The following CNTN5 variants were observed in gnomAD, a reference collection of about 807,000 sequenced individuals.
CNTN5 encodes contactin 5, also known as contactin-5.
In CNTN5, 77 loss-of-function variants were observed where a neutral mutation model predicts 129.1. That is an observed-to-expected ratio of 0.60 (90% CI 0.50 to 0.72). The LOEUF is 0.72. Among genes scored for constraint, CNTN5 ranks in the 30% least tolerant of loss-of-function variants. CNTN5 has a pLI of 0.00. For synonymous variants in CNTN5, 509 were observed against 465.6 expected, an observed-to-expected ratio of 1.09 and a Z score of -1.20; for missense variants, 1,478 against 1,328.8, an observed-to-expected ratio of 1.11 and a Z score of -1.75.
rs560437560 is a variant in CNTN5, at chr11:99,083,982, C to G, written c.-210+62712C>G. 3.3e-5 allele frequency among the ~76,000 whole-genome samples: 5 copies of G among 152,164 alleles called. No homozygotes were observed. The South Asian group carries it at 1.0e-3, about 32-fold the overall frequency. On this transcript the variant is annotated intron_variant, in intron 1 of 24. Coordinates refer to ENST00000524871, the MANE Select transcript of CNTN5 (RefSeq NM_014361.4). ...ATCACATTACTTAACTGACATTATT[C>G]CTTGTTCAAAAAAATGTGTATAATT...
At position 99,808,312 on chromosome 11, in the gene CNTN5, A is replaced by G. The variant is rs117399789; in HGVS notation, c.56-11232A>G. On this transcript the variant is annotated intron_variant, in intron 3 of 24. Transcript: ENST00000524871. ...TAGCCCACTTGATGTCTTTGTTTCA[A>G]TTTAAGTAACTGGACTTAAATGTGC... Among the ~76,000 whole-genome samples the G allele has an allele frequency of 2.7e-4, 41 of 151,912 alleles. No individual in the cohort carries two copies. The East Asian group carries it at 7.8e-3, about 29-fold the overall frequency.
chr11:99,845,064 T>G, intron 5 of CNTN5, 23 bp from the exon 6 acceptor site: 1 of 1,612,262 alleles, frequency 6.2e-7, no homozygotes, highest in East Asian at 2.2e-5. Flanking sequence ...TTATACATAT[T>G]TGTCTTCTGA....
At chr11:99,976,559 C>T (rs1334956713) in intron 8 of CNTN5, among the ~76,000 whole-genome samples, 3 of 152,198 alleles carry the variant, frequency 2.0e-5, no homozygotes, top group Non-Finnish European at 2.9e-5. Context: ...ATTCTGCAGA[C>T]CTACAGGCTC....
intron 3 of CNTN5, among the ~76,000 whole-genome samples, chr11:99,769,298 G>A (rs1944864134): frequency 6.6e-6 from 1 of 152,024 alleles, no homozygotes; most frequent in African/African-American, 2.4e-5. Context: ...ATTCTTTAAG[G>A]ATTCCTAGTT....
chr11:99,832,488 TTCA>T (rs1303616520), intron 4 of CNTN5, among the ~76,000 whole-genome samples: 1 of 152,190 alleles, frequency 6.6e-6, no homozygotes, highest in African/African-American at 2.4e-5. Flanking sequence ...CCATGAAACA[TTCA>T]TCAATATGCT....
intron 3 of CNTN5, among the ~76,000 whole-genome samples, chr11:99,687,697 C>G (rs552047395): frequency 6.6e-6 from 1 of 152,222 alleles, no homozygotes; most frequent in Admixed American, 6.5e-5. Flanking sequence ...CCACTAGAGA[C>G]ACAGATTATA....
In CNTN5 at chr11:99,090,170, T is replaced by C. The variant is rs560150830; in HGVS notation, c.-210+68900T>C. 2.0e-5 allele frequency among the ~76,000 whole-genome samples: 3 copies of C among 152,334 alleles called. No homozygotes were observed. The East Asian group carries it at 5.8e-4, about 29-fold the overall frequency. On this transcript the variant is annotated intron_variant, in intron 1 of 24. Transcript: ENST00000524871. ...TTTTGTTCATTCATATGTCACTAATTCTGAATATTATGTAAAAAGAGACAA... is the reference window on the plus strand; with the variant it reads ...TTTTGTTCATTCATATGTCACTAATCCTGAATATTATGTAAAAAGAGACAA...
At chr11:99,397,033 G>T (rs1229460615) in intron 2 of CNTN5, among the ~76,000 whole-genome samples, 1 of 151,696 alleles carries the variant, frequency 6.6e-6, no homozygotes, top group South Asian at 2.1e-4. Context: ...AAATCTAATA[G>T]ATAGGAAGAT....
Position 100,169,587 on chromosome 11 carries a change from T to C in CNTN5, c.1581-21539T>C, listed in dbSNP as rs530425058. On this transcript the variant is annotated intron_variant, in intron 13 of 24. Transcript: ENST00000524871. Reference sequence around the variant, plus strand: ...ATAAATTATTTTAAATTAAGATATGTGCATTGTTTCTTAGACAAAATGCTA... The same window carrying C: ...ATAAATTATTTTAAATTAAGATATGCGCATTGTTTCTTAGACAAAATGCTA... Among the ~76,000 whole-genome samples the C allele has an allele frequency of 5.3e-5, 8 of 152,148 alleles. No homozygotes were observed. In the East Asian group the frequency reaches 1.4e-3, roughly 26 times the overall value.
chr11:99,030,972 T>C (rs1248532920), intron 1 of CNTN5, among the ~76,000 whole-genome samples: 1 of 151,232 alleles, frequency 6.6e-6, no homozygotes, highest in Non-Finnish European at 1.5e-5. Flanking sequence ...TTTATTTTTG[T>C]ATTTTTAGTA....
rs144068707 is a variant in CNTN5 at position 99,872,829 on chromosome 11, A to C, written c.577+27567A>C. Among the ~76,000 whole-genome samples, 1,044 of 152,292 alleles carry C rather than the reference A, an allele frequency of 6.9e-3. 46 individuals carry two copies. The highest frequency in any genetic ancestry group is 0.06 in the Admixed American group (912 of 15,278). On this transcript the variant is annotated intron_variant, in intron 6 of 24. Transcript: ENST00000524871. ...TGTCTGACATACTGTCCTTAATAGC[A>C]ATCTTAACACTTCTGAATTTTAAAT... is the stretch of plus-strand genomic sequence containing the variant.
intron 1 of CNTN5, among the ~76,000 whole-genome samples, chr11:99,194,167 C>T (rs562501459): frequency 2.4e-3 from 371 of 151,964 alleles, no homozygotes; most frequent in Non-Finnish European, 3.9e-3. Flanking sequence ...TGAGGAAATC[C>T]TCCAAAGCAT....
At chr11:99,795,277 G>A (rs1945892492) in intron 3 of CNTN5, among the ~76,000 whole-genome samples, 1 of 152,136 alleles carries the variant, frequency 6.6e-6, no homozygotes, top group Non-Finnish European at 1.5e-5. Context: ...TAGCAGATCA[G>A]TTTGATTCTT....
chr11:99,624,971 G>A (rs1422830452), intron 3 of CNTN5, among the ~76,000 whole-genome samples: 1 of 152,168 alleles, frequency 6.6e-6, no homozygotes, highest in Non-Finnish European at 1.5e-5. Flanking sequence ...CGTGATCAGA[G>A]AGCATTACCA....
intron 3 of CNTN5, among the ~76,000 whole-genome samples, chr11:99,695,461 T>G (rs758642744): frequency 1.3e-5 from 2 of 152,160 alleles, no homozygotes; most frequent in Non-Finnish European, 2.9e-5. Flanking sequence ...AGTTGGAGAT[T>G]ATTCAGCTTT....
At chr11:99,386,079 C>T (rs141552074) in intron 2 of CNTN5, among the ~76,000 whole-genome samples, 113 of 152,260 alleles carry the variant, frequency 7.4e-4, no homozygotes, top group African/African-American at 2.5e-3. Context: ...TACTCAAGCC[C>T]GTTTTTCTGA....
At chr11:99,533,058 A>G (rs1429819153) in intron 2 of CNTN5, among the ~76,000 whole-genome samples, 1 of 152,186 alleles carries the variant, frequency 6.6e-6, no homozygotes, top group Non-Finnish European at 1.5e-5. Flanking sequence ...CCACATCTCT[A>G]TCAAAAATAC....
chr11:100,333,240 C>A (rs543501726), intron 21 of CNTN5, among the ~76,000 whole-genome samples: 2 of 151,574 alleles, frequency 1.3e-5, no homozygotes, highest in South Asian at 4.2e-4. Flanking sequence ...TGTGGAAGAC[C>A]TCTACAACAA....
At chr11:100,044,957 A>C (rs1942588266) in intron 9 of CNTN5, among the ~76,000 whole-genome samples, 2 of 152,006 alleles carry the variant, frequency 1.3e-5, no homozygotes, top group African/African-American at 4.8e-5. Flanking sequence ...TGAAATCCTC[A>C]GGGTTTTTGT....
Sources: gnomAD v4.1 joint callset for allele counts (sites outside exome capture counted in the v4.1 genomes callset) on GRCh38, gnomAD v4.1.1 for gene constraint, MANE v1.5 for transcripts, NCBI Gene and HGNC (gene_info 2026-07-23, HGNC 2026-07-21) for gene names.